Variants in RASAL2 observed in about 807,000 individuals in gnomAD.
RASAL2 encodes ras GTPase-activating protein nGAP.
In RASAL2, 58 loss-of-function variants were observed where a neutral mutation model predicts 128.9. The ratio of observed to expected loss-of-function variants is 0.45; its 90% CI spans 0.36 to 0.56. The LOEUF (loss-of-function observed/expected upper bound fraction) is 0.56, where lower values mean the gene tolerates loss of function less well. RASAL2 is among the 20% of genes least tolerant of loss of function. The pLI is 0.00. For missense variants in RASAL2, 1,360 were observed against 1,601.6 expected (o/e 0.85, Z 2.57); for synonymous variants, 561 against 580.8 (o/e 0.97, Z 0.49).
At chr1:178,304,077 A>G (rs1275426732) in intron 3 of RASAL2, among the ~76,000 whole-genome samples, 1 of 152,198 alleles carries the variant, frequency 6.6e-6, no homozygotes, top group Admixed American at 6.5e-5. Context: ...TGTTATACTT[A>G]AAGAAAATTT....
chr1:178,193,313 G>A (rs1370196665), intron 1 of RASAL2, among the ~76,000 whole-genome samples: 1 of 152,102 alleles, frequency 6.6e-6, no homozygotes, highest in Non-Finnish European at 1.5e-5. Context: ...GAATGTTAAA[G>A]ACCACAATAA....
chr1:178,301,941 T>A (rs2102274950), intron 3 of RASAL2, among the ~76,000 whole-genome samples: 1 of 152,318 alleles, frequency 6.6e-6, no homozygotes, highest in Middle Eastern at 3.4e-3. Context: ...GTGTCTGGTC[T>A]AGAGCCAGTC....
intron 3 of RASAL2, among the ~76,000 whole-genome samples, chr1:178,387,208 G>A (rs1374608402): frequency 6.6e-6 from 1 of 152,046 alleles, no homozygotes; most frequent in Non-Finnish European, 1.5e-5. Flanking sequence ...CTTTTCATTA[G>A]GTGATTTAGC....
At chr1:178,376,821 A>G (rs965233001) in intron 3 of RASAL2, among the ~76,000 whole-genome samples, 2 of 152,126 alleles carry the variant, frequency 1.3e-5, no homozygotes, top group Non-Finnish European at 2.9e-5. Context: ...TGAATGAATG[A>G]TATCCAGATA....
chr1:178,210,383 G>T (rs1663210502), intron 1 of RASAL2, among the ~76,000 whole-genome samples: 1 of 152,086 alleles, frequency 6.6e-6, no homozygotes, highest in African/African-American at 2.4e-5. Context: ...TGATTTTCTT[G>T]TTAGTGCTTA....
intron 8 of RASAL2, 116 bp downstream of exon 8, chr1:178,443,345 C>G (rs570495581): frequency 1.0e-6 from 1 of 964,252 alleles, no homozygotes; most frequent in Admixed American, 3.0e-5. Context: ...TTGGTCAAAA[C>G]AAGAAGAATT....
intron 3 of RASAL2, among the ~76,000 whole-genome samples, chr1:178,369,589 A>G (rs1305771768): frequency 6.6e-6 from 1 of 151,920 alleles, no homozygotes; most frequent in Non-Finnish European, 1.5e-5. Context: ...TATTTTGATG[A>G]CCTTTCTAAC....
At chr1:178,256,254 A>G (rs1391798643) in intron 1 of RASAL2, among the ~76,000 whole-genome samples, 1 of 152,232 alleles carries the variant, frequency 6.6e-6, no homozygotes, top group Non-Finnish European at 1.5e-5. Flanking sequence ...AAAGGAAAAA[A>G]ACATGATTCT....
chr1:178,325,310 T>C (rs2102348259), intron 3 of RASAL2, among the ~76,000 whole-genome samples: 1 of 152,212 alleles, frequency 6.6e-6, no homozygotes, highest in South Asian at 2.1e-4. Flanking sequence ...GAAAGAGAAC[T>C]AGTAATAGAG....
intron 1 of RASAL2, among the ~76,000 whole-genome samples, chr1:178,121,382 CTAAA>C (rs1184968260): frequency 1.3e-5 from 2 of 152,134 alleles, no homozygotes; most frequent in African/African-American, 4.8e-5. Context: ...GAAACTGAGG[CTAAA>C]ATAGGTTGTG....
chr1:178,307,038 G>A (rs545057339), intron 3 of RASAL2, among the ~76,000 whole-genome samples: 1 of 150,330 alleles, frequency 6.7e-6, no homozygotes, highest in South Asian at 2.1e-4. Context: ...AAAAAAGCAC[G>A]AAAAAGATGT....
chr1:178,266,496 C>T (rs755519385), intron 1 of RASAL2, among the ~76,000 whole-genome samples: 8 of 152,174 alleles, frequency 5.3e-5, no homozygotes, highest in African/African-American at 1.2e-4. Context: ...TTTGATACGG[C>T]TCCAATGAGT....
At chr1:178,440,041 T>A (rs1451176490) in intron 6 of RASAL2, among the ~76,000 whole-genome samples, 1 of 150,848 alleles carries the variant, frequency 6.6e-6, no homozygotes, top group Admixed American at 6.6e-5. Flanking sequence ...CTAAATGTCT[T>A]ATTTATTTTT....
At chr1:178,291,136 A>G (rs1667265407) in intron 2 of RASAL2, among the ~76,000 whole-genome samples, 1 of 152,214 alleles carries the variant, frequency 6.6e-6, no homozygotes, top group African/African-American at 2.4e-5. Flanking sequence ...GAGGAGAAAA[A>G]GAAGGGAAGG....
Position 178,458,412 on chromosome 1 carries a change from C to A in RASAL2, c.3120C>A (p.Ser1040Arg). Residue 1040 changes from serine (S) to arginine (R), a missense_variant, in exon 14 of 18, where the codon AGC becomes AGA. Physicochemically the swap from Ser to Arg is moderately radical, Grantham distance 110. Transcript: ENST00000367649. ...GTGCTTCTTTACGTAGCACCGGGAG[C>A]ATGTCAGTGGTGTCCGCAGCCCTGG... ...PHSASLRSTG[S>R]MSVVSAALVA... 6.2e-7 allele frequency: 1 copy of A among 1,614,208 alleles called. No individual in the cohort carries two copies.
At chr1:178,285,696 A>C (rs1049144693) in intron 2 of RASAL2, among the ~76,000 whole-genome samples, 1 of 152,232 alleles carries the variant, frequency 6.6e-6, no homozygotes, top group Admixed American at 6.5e-5. Context: ...TAATTATCCA[A>C]ACTATTCAAA....
chr1:178,263,987 A>G (rs1236359232), intron 1 of RASAL2, among the ~76,000 whole-genome samples: 1 of 152,218 alleles, frequency 6.6e-6, no homozygotes, highest in Non-Finnish European at 1.5e-5. Context: ...TCCTTCTGGT[A>G]TATTTAGGTA....
intron 1 of RASAL2, among the ~76,000 whole-genome samples, chr1:178,243,788 C>T (rs1664636485): frequency 6.6e-6 from 1 of 152,002 alleles, no homozygotes; most frequent in African/African-American, 2.4e-5. Context: ...TTTCTTTTTA[C>T]AGAGTTCTTC....
intron 3 of RASAL2, among the ~76,000 whole-genome samples, chr1:178,354,749 A>T (rs1166545557): frequency 1.3e-5 from 2 of 152,266 alleles, no homozygotes; most frequent in African/African-American, 4.8e-5. Flanking sequence ...TAAATCTTTT[A>T]AAAGATGTGT....
Sources: allele counts gnomAD v4.1 joint callset (sites outside exome capture counted in the v4.1 genomes callset), GRCh38; gene constraint gnomAD v4.1.1; transcripts MANE v1.5; gene names NCBI Gene and HGNC (gene_info 2026-07-23, HGNC 2026-07-21).